EXOSC6: variants seen among roughly 807,000 people sequenced by gnomAD.
EXOSC6 encodes the protein exosome complex component MTR3.
Under a neutral mutation model 16.7 loss-of-function variants are expected in EXOSC6, and 21 were observed. That is an observed-to-expected ratio of 1.26 (90% CI 0.89 to 1.82). The LOEUF (loss-of-function observed/expected upper bound fraction) is 1.82, where lower values mean the gene tolerates loss of function less well. EXOSC6 is among the 40% of genes most tolerant of loss of function. The pLI is 0.00. For missense variants in EXOSC6, 538 were observed against 415.7 expected (o/e 1.29, Z -2.56); for synonymous variants, 297 against 217.1 (o/e 1.37, Z -3.24).
Position 70,251,092 on chromosome 16 carries a change from G to T in EXOSC6, c.809C>A (p.Ala270Asp). 2 of 1,480,974 alleles carry T rather than the reference G, an allele frequency of 1.4e-6. No individual in the cohort carries two copies. The highest frequency in any genetic ancestry group is 1.8e-6 in the Non-Finnish European group (2 of 1,129,452). 91.7% of individuals were successfully genotyped at this position (1,480,974 alleles called of 1,614,324 possible). The change falls in exon 1 of 1, where the codon GCC (alanine) becomes GAC (aspartate). Residue 270 changes from alanine to aspartate, a missense_variant. Physicochemically the swap from Ala to Asp is moderately radical, Grantham distance 126. Coordinates refer to ENST00000435634, the MANE Select transcript of EXOSC6 (RefSeq NM_058219.3). ...GCTCAGGCTTCTGGTTCAGGGCTGG[G>T]CGGCGGCGCCCCTGCGGCGGGCGGC... ...VRAARRRGAA[A>D]QP
In EXOSC6 at chr16:70,251,306, G is replaced by C. The variant is rs1959812527; in HGVS notation, c.595C>G (p.Pro199Ala). 1.4e-6 allele frequency: 2 copies of C among 1,402,246 alleles called. No individual in the cohort carries two copies. Among genetic ancestry groups the C allele is most frequent in the Non-Finnish European group, 1.8e-6 (2 of 1,084,146 alleles). The allele number at this position is 1,402,246 out of a possible 1,614,324, so 86.9% of individuals were successfully genotyped here. A position where few individuals can be genotyped will look rare whatever the true frequency, so the allele number is the denominator to read the frequency against. ...GCGCGCTCTTCCTCGAGCCGCGTGG[G>C]GTCCAGGAGCCAGGTGGGCGCGGGC... ...PGPAPTWLLD[P>A]TRLEEERAAA... Residue 199 changes from proline (P) to alanine (A), a missense_variant, in exon 1 of 1, where the codon CCC becomes GCC. Pro to Ala is a conservative substitution (Grantham distance 27). Transcript: ENST00000435634.
Position 70,251,249 on chromosome 16 carries a change from C to T in EXOSC6, c.652G>A (p.Val218Met), listed in dbSNP as rs1315802554. Residue 218 changes from valine (V) to methionine (M), a missense_variant, in exon 1 of 1, where the codon GTG (valine) becomes ATG (methionine). By Grantham distance (21) the Val-to-Met change is conservative. Coordinates refer to ENST00000435634, the MANE Select transcript of EXOSC6 (RefSeq NM_058219.3). ...AGCAGCCCGGCCACCTGATTCAGCACAGGCATGAGCGCCACGGTGAGGCCG... is the reference window on the plus strand; with the variant it reads ...AGCAGCCCGGCCACCTGATTCAGCATAGGCATGAGCGCCACGGTGAGGCCG... ...AAGLTVALMPVLNQVAGLLGS... is the reference protein window; with the variant it reads ...AAGLTVALMPMLNQVAGLLGS... The T allele has an allele frequency of 2.0e-6, 3 of 1,483,108 alleles. No homozygotes were observed. Among genetic ancestry groups the T allele is most frequent in the East Asian group, 5.7e-5 (2 of 35,048 alleles). 91.9% of individuals were successfully genotyped at this position (1,483,108 alleles called of 1,614,324 possible).
In EXOSC6 at chr16:70,251,853, C is replaced by G. The variant is rs368250236; in HGVS notation, c.48G>C (p.Pro16=). The G allele has an allele frequency of 7.1e-4, 1,107 of 1,554,946 alleles. No homozygotes were observed. The highest frequency in any genetic ancestry group is 9.0e-4 in the Non-Finnish European group (1,049 of 1,160,876). Residue 16 remains proline, a synonymous_variant, in exon 1 of 1, where the codon CCG becomes CCC. Coordinates refer to ENST00000435634, the MANE Select transcript of EXOSC6 (RefSeq NM_058219.3). Reference sequence around the variant, plus strand: ...CCTCGTCGGCCGCGTACAGCTGCGGCGGCTGCGATTCTTCAGGGCCGCGGA... The same window carrying G: ...CCTCGTCGGCCGCGTACAGCTGCGGGGGCTGCGATTCTTCAGGGCCGCGGA... The part of the protein sequence containing the change: ...RRIRGPEESQ[P]PQLYAADEEE...
At position 70,251,129 on chromosome 16, in the gene EXOSC6, T is replaced by G. The variant is rs1306047270; in HGVS notation, c.772A>C (p.Ser258Arg). ...CTGCGGCGGGCGGCCCGCACCAGGC[T>G]CTGCTGCAGCACGGGGTAGAGGCGC... ...CQRLYPVLQQ[S>R]LVRAARRRGA... is the part of the protein sequence containing the mutation. Residue 258 changes from serine (S) to arginine (R), a missense_variant, in exon 1 of 1, where the codon AGC (serine) becomes CGC (arginine). Transcript: ENST00000435634. The G allele has an allele frequency of 6.5e-7, 1 of 1,529,666 alleles. No individual in the cohort carries two copies. The highest frequency in any genetic ancestry group is 2.6e-5 in the East Asian group (1 of 38,198). 94.8% of individuals were successfully genotyped at this position (1,529,666 alleles called of 1,614,324 possible). A position where few individuals can be genotyped will look rare whatever the true frequency, so the allele number is the denominator to read the frequency against.
At position 70,251,325 on chromosome 16, in the gene EXOSC6, C is replaced by G. The variant is rs1022088055; in HGVS notation, c.576G>C (p.Ala192=). 22 of 1,381,170 alleles carry G rather than the reference C, an allele frequency of 1.6e-5. No individual in the cohort carries two copies. Among genetic ancestry groups the G allele is most frequent in the African/African-American group, 4.6e-5 (3 of 65,764 alleles). 85.6% of individuals were successfully genotyped at this position (1,381,170 alleles called of 1,614,324 possible). The change falls in exon 1 of 1, where the codon GCG becomes GCC. Residue 192 remains alanine (A), a synonymous_variant. Coordinates refer to ENST00000435634, the MANE Select transcript of EXOSC6 (RefSeq NM_058219.3). ...GCGTGGGGTCCAGGAGCCAGGTGGG[C>G]GCGGGCCCCGGCGCGAGGCTGAGGC... ...GCGLSLAPGP[A]PTWLLDPTRL...
rs950022642 is a variant in EXOSC6, at chr16:70,249,195, T to TC, written c.*1886dup. ...AGGAGGATCACTTGAGGTCAGGAGT[T>TC]CAAGACCAGCATGGCCAACACAATG... On this transcript the variant is annotated 3_prime_UTR_variant, in exon 1 of 1. Transcript: ENST00000435634. 6.6e-6 allele frequency: 1 copy of TC among 151,916 alleles called. No individual in the cohort carries two copies. Among genetic ancestry groups the TC allele is most frequent in the Non-Finnish European group, 1.5e-5 (1 of 68,024 alleles). 9.4% of individuals were successfully genotyped at this position (151,916 alleles called of 1,614,324 possible).
Position 70,251,768 on chromosome 16 carries a change from G to A in EXOSC6, c.133C>T (p.Leu45=), listed in dbSNP as rs1420851727. ...RLRPVYARAG[L]LSQAKGSAYL... ...GCCGAGCCCTTGGCCTGGCTCAGCA[G>A]CCCGGCGCGCGCGTACACGGGCCGT... is the stretch of plus-strand genomic sequence containing the variant. Residue 45 remains leucine (L), a synonymous_variant, in exon 1 of 1, where the codon CTG becomes TTG. Transcript: ENST00000435634. The A allele has an allele frequency of 4.9e-6, 7 of 1,439,518 alleles. No individual in the cohort carries two copies. Among genetic ancestry groups the A allele is most frequent in the South Asian group, 1.4e-5 (1 of 70,622 alleles). The allele number at this position is 1,439,518 out of a possible 1,614,324, so 89.2% of individuals were successfully genotyped here. A position where few individuals can be genotyped will look rare whatever the true frequency, so the allele number is the denominator to read the frequency against.
In EXOSC6 at chr16:70,249,232, C is replaced by G. The variant is rs12927964; in HGVS notation, c.*1850G>C. 4 of 151,684 alleles carry G rather than the reference C, an allele frequency of 2.6e-5. No homozygotes were observed. Among genetic ancestry groups the G allele is most frequent in the Non-Finnish European group, 5.9e-5 (4 of 67,942 alleles). The allele number at this position is 151,684 out of a possible 1,614,324, so 9.4% of individuals were successfully genotyped here. ...TGGCCAACACAATGAAAATCCATCT[C>G]TACTAAAAATACAAAAATTAGCCAG... is the stretch of plus-strand genomic sequence containing the variant. On this transcript the variant is annotated 3_prime_UTR_variant, in exon 1 of 1. Transcript: ENST00000435634.
At position 70,251,871 on chromosome 16, in the gene EXOSC6, G is replaced by A. The variant is rs776639358; in HGVS notation, c.30C>T (p.Gly10=). 72 of 1,550,630 alleles carry A rather than the reference G, an allele frequency of 4.6e-5. No individual in the cohort carries two copies. The highest frequency in any genetic ancestry group is 5.7e-5 in the Non-Finnish European group (66 of 1,159,040). Residue 10 remains glycine (G), a synonymous_variant, in exon 1 of 1, where the codon GGC becomes GGT. Transcript: ENST00000435634. MPGDHRRIR[G]PEESQPPQLY... is the part of the protein sequence containing the mutation. ...GCTGCGGCGGCTGCGATTCTTCAGG[G>A]CCGCGGATGCGGCGGTGATCCCCAG...
Position 70,251,860 on chromosome 16 carries a change from G to A in EXOSC6, c.41C>T (p.Ser14Leu), listed in dbSNP as rs976642772. Residue 14 changes from serine to leucine, a missense_variant, in exon 1 of 1, where the codon TCG becomes TTG. Physicochemically the swap from Ser to Leu is moderately radical, Grantham distance 145. Transcript: ENST00000435634. The part of the protein sequence containing the change: ...DHRRIRGPEE[S>L]QPPQLYAADE... ...GGCCGCGTACAGCTGCGGCGGCTGC[G>A]ATTCTTCAGGGCCGCGGATGCGGCG... 1.9e-6 allele frequency: 3 copies of A among 1,553,182 alleles called. No homozygotes were observed. Among genetic ancestry groups the A allele is most frequent in the African/African-American group, 2.8e-5 (2 of 70,880 alleles).
Position 70,251,516 on chromosome 16 carries a change from C to G in EXOSC6, c.385G>C (p.Ala129Pro). ...CCCAGGCGCACAGCCGGCTCCAGCG[C>G]CTCCTGCAGCGCCAGCGCCAGCTCA... ...ERELALALQE[A>P]LEPAVRLGRY... The change falls in exon 1 of 1, where the codon GCG becomes CCG. Residue 129 changes from alanine (A) to proline (P), a missense_variant. Transcript: ENST00000435634. The G allele has an allele frequency of 1.6e-6, 2 of 1,263,542 alleles. No homozygotes were observed. Among genetic ancestry groups the G allele is most frequent in the Non-Finnish European group, 2.0e-6 (2 of 1,001,448 alleles). The allele number at this position is 1,263,542 out of a possible 1,614,324, so 78.3% of individuals were successfully genotyped here. A position where few individuals can be genotyped will look rare whatever the true frequency, so the allele number is the denominator to read the frequency against.
Position 70,247,021 on chromosome 16 carries a change from A to C in EXOSC6, c.*4061T>G, listed in dbSNP as rs1190746227. 2.1e-6 allele frequency: 1 copy of C among 473,408 alleles called. No individual in the cohort carries two copies. The highest frequency in any genetic ancestry group is 2.0e-5 in the African/African-American group (1 of 49,178). The allele number at this position is 473,408 out of a possible 1,614,324, so 29.3% of individuals were successfully genotyped here. On this transcript the variant is annotated 3_prime_UTR_variant, in exon 1 of 1. Transcript: ENST00000435634. ...TTAGTGTGGAGAAAACAAGCAAATT[A>C]GGTTATTTACTAAGTGACTACATAA...
chr16:70,247,067 G>C lies in EXOSC6; in HGVS notation c.*4015C>G, dbSNP rs1330325223. 1.1e-5 allele frequency: 4 copies of C among 358,222 alleles called. No individual in the cohort carries two copies. The highest frequency in any genetic ancestry group is 2.1e-5 in the Non-Finnish European group (4 of 188,892). 22.2% of individuals were successfully genotyped at this position (358,222 alleles called of 1,614,324 possible). ...CATAAAAAACTGAGTATGAGACCAA[G>C]AAAAATAGATTCTGTAGTTTTAGTT... On this transcript the variant is annotated 3_prime_UTR_variant, in exon 1 of 1. Coordinates refer to ENST00000435634, the MANE Select transcript of EXOSC6 (RefSeq NM_058219.3).
rs1275001277 is a variant in EXOSC6, at chr16:70,251,222, C to A, written c.679G>T (p.Gly227Cys). The change falls in exon 1 of 1, where the codon GGC becomes TGC. Residue 227 changes from glycine (G) to cysteine (C), a missense_variant. By Grantham distance (159) the Gly-to-Cys change is radical. Transcript: ENST00000435634. ...PVLNQVAGLLGSGEGGLTESW... is the reference protein window; with the variant it reads ...PVLNQVAGLLCSGEGGLTESW... The stretch of plus-strand genomic sequence containing the variant: ...TCTGTCAGGCCGCCCTCGCCGCTGC[C>A]CAGCAGCCCGGCCACCTGATTCAGC... The A allele has an allele frequency of 2.0e-6, 3 of 1,507,354 alleles. No homozygotes were observed. In the South Asian group the frequency reaches 3.7e-5, roughly 19 times the overall value. 93.4% of individuals were successfully genotyped at this position (1,507,354 alleles called of 1,614,324 possible).
In EXOSC6 at chr16:70,251,220, G is replaced by C; in HGVS notation, c.681C>G (p.Gly227=). The C allele has an allele frequency of 6.6e-7, 1 of 1,507,196 alleles. No homozygotes were observed. Among genetic ancestry groups the C allele is most frequent in the Non-Finnish European group, 8.8e-7 (1 of 1,135,416 alleles). The allele number at this position is 1,507,196 out of a possible 1,614,324, so 93.4% of individuals were successfully genotyped here. Residue 227 remains glycine (G), a synonymous_variant, in exon 1 of 1, where the codon GGC becomes GGG. Coordinates refer to ENST00000435634, the MANE Select transcript of EXOSC6 (RefSeq NM_058219.3). ...PVLNQVAGLL[G]SGEGGLTESW... ...TCTCTGTCAGGCCGCCCTCGCCGCT[G>C]CCCAGCAGCCCGGCCACCTGATTCA... is the stretch of plus-strand genomic sequence containing the variant.
In EXOSC6 at chr16:70,250,653, A is replaced by C. The variant is rs1209471706; in HGVS notation, c.*429T>G. On this transcript the variant is annotated 3_prime_UTR_variant, in exon 1 of 1. Coordinates refer to ENST00000435634, the MANE Select transcript of EXOSC6 (RefSeq NM_058219.3). ...CATTGCACTCCAGCCTGGGCAACAG[A>C]ACAAGACTCCATCAAAAAAAAAAAA... 2 of 145,240 alleles carry C rather than the reference A, an allele frequency of 1.4e-5. No homozygotes were observed. Among genetic ancestry groups the C allele is most frequent in the Non-Finnish European group, 2.9e-5 (2 of 68,454 alleles). The allele number at this position is 145,240 out of a possible 1,614,324, so 9.0% of individuals were successfully genotyped here. A position where few individuals can be genotyped will look rare whatever the true frequency, so the allele number is the denominator to read the frequency against.
At position 70,251,159 on chromosome 16, in the gene EXOSC6, A is replaced by T; in HGVS notation, c.742T>A (p.Cys248Ser). 6.5e-7 allele frequency: 1 copy of T among 1,532,012 alleles called. No homozygotes were observed. Among genetic ancestry groups the T allele is most frequent in the Non-Finnish European group, 8.7e-7 (1 of 1,149,448 alleles). 94.9% of individuals were successfully genotyped at this position (1,532,012 alleles called of 1,614,324 possible). ...AEAVRLGLEG[C>S]QRLYPVLQQS... ...TGCAGCACGGGGTAGAGGCGCTGGC[A>T]GCCCTCGAGGCCCAGGCGTACGGCC... The change falls in exon 1 of 1, where the codon TGC becomes AGC. Residue 248 changes from cysteine (C) to serine (S), a missense_variant. Cys to Ser is a moderately radical substitution (Grantham distance 112, BLOSUM62 -1). Transcript: ENST00000435634.
At position 70,251,939 on chromosome 16, in the gene EXOSC6, C is replaced by G; in HGVS notation, c.-39G>C. On this transcript the variant is annotated 5_prime_UTR_variant, in exon 1 of 1. Coordinates refer to ENST00000435634, the MANE Select transcript of EXOSC6 (RefSeq NM_058219.3). ...GTGCGAACCCCTTCCGCCCAACGCCCTGCCGCATCCACTGGTTCTTCCGTT... is the reference window on the plus strand; with the variant it reads ...GTGCGAACCCCTTCCGCCCAACGCCGTGCCGCATCCACTGGTTCTTCCGTT... The G allele has an allele frequency of 1.4e-6, 2 of 1,443,812 alleles. No individual in the cohort carries two copies. Among genetic ancestry groups the G allele is most frequent in the Non-Finnish European group, 1.8e-6 (2 of 1,108,664 alleles). 89.4% of individuals were successfully genotyped at this position (1,443,812 alleles called of 1,614,324 possible). A position where few individuals can be genotyped will look rare whatever the true frequency, so the allele number is the denominator to read the frequency against.
chr16:70,251,437 C>A lies in EXOSC6; in HGVS notation c.464G>T (p.Gly155Val). 1 of 1,346,620 alleles carries A rather than the reference C, an allele frequency of 7.4e-7. No homozygotes were observed. The highest frequency in any genetic ancestry group is 9.5e-7 in the Non-Finnish European group (1 of 1,051,936). The allele number at this position is 1,346,620 out of a possible 1,614,324, so 83.4% of individuals were successfully genotyped here. A position where few individuals can be genotyped will look rare whatever the true frequency, so the allele number is the denominator to read the frequency against. ...EVSALLLEDGGSALAAALTAA... is the reference protein window; with the variant it reads ...EVSALLLEDGVSALAAALTAA... Reference sequence around the variant, plus strand: ...GGTGAGCGCGGCGGCCAGGGCCGAGCCACCGTCCTCCAGCAGCAGCGCCGA... The same window carrying A: ...GGTGAGCGCGGCGGCCAGGGCCGAGACACCGTCCTCCAGCAGCAGCGCCGA... The change falls in exon 1 of 1, where the codon GGC becomes GTC. Residue 155 changes from glycine (G) to valine (V), a missense_variant. Physicochemically the swap from Gly to Val is moderately radical, Grantham distance 109. Transcript: ENST00000435634.
Sources: gnomAD v4.1 joint callset for allele counts on GRCh38, gnomAD v4.1.1 for gene constraint, MANE v1.5 for transcripts, NCBI Gene and HGNC (gene_info 2026-07-23, HGNC 2026-07-21) for gene names.